ACSL6: variants seen among roughly 807,000 people sequenced by gnomAD.
ACSL6 encodes long-chain-fatty-acid--CoA ligase 6.
ACSL6 carries 47 observed loss-of-function variants against 98.2 expected under a neutral mutation model. The ratio of observed to expected loss-of-function variants is 0.48; its 90% CI spans 0.38 to 0.61. The LOEUF (loss-of-function observed/expected upper bound fraction) is 0.61, where lower values mean the gene tolerates loss of function less well. Ranked by LOEUF, ACSL6 falls within the 20% of genes least tolerant of loss-of-function variation. The probability of loss-of-function intolerance (pLI) is 0.00; values close to 1 mark genes in which losing one functional copy is unlikely to be tolerated. For missense variants in ACSL6, 761 were observed against 913.4 expected (o/e 0.83, Z 2.15); for synonymous variants, 362 against 336.9 (o/e 1.07, Z -0.82).
intron 1 of ACSL6, among the ~76,000 whole-genome samples, chr5:131,995,877 G>GC (rs1455437243): frequency 3.9e-5 from 6 of 152,192 alleles, no homozygotes; most frequent in Non-Finnish European, 7.3e-5. Context: ...CCCTTGCACT[G>GC]CATCTGGCAT....
At position 131,972,722 on chromosome 5, in the gene ACSL6, A is replaced by G. The variant is rs1753377834; in HGVS notation, c.1338+2T>C. The G allele has an allele frequency of 6.2e-7, 1 of 1,614,008 alleles. No individual in the cohort carries two copies. Among genetic ancestry groups the G allele is most frequent in the African/African-American group, 1.3e-5 (1 of 74,926 alleles). On this transcript the variant is annotated splice_donor_variant, in intron 13 of 20. Coordinates refer to ENST00000651883, the MANE Select transcript of ACSL6 (RefSeq NM_001009185.3). LOFTEE classifies it high-confidence loss of function. ...TCTATAATCACTTGTTCATTTTCTTACCTGAATCTTATTAAAGAAGAGTTC... is the reference window on the plus strand; with the variant it reads ...TCTATAATCACTTGTTCATTTTCTTGCCTGAATCTTATTAAAGAAGAGTTC...
At chr5:131,977,894 A>G (rs1479837096) in intron 9 of ACSL6, among the ~76,000 whole-genome samples, 3 of 151,816 alleles carry the variant, frequency 2.0e-5, no homozygotes, top group Non-Finnish European at 2.9e-5. Flanking sequence ...GAGAGAGAGA[A>G]CTTTTTTTCA....
chr5:131,977,620 G>A (rs1234842538), intron 9 of ACSL6, among the ~76,000 whole-genome samples: 2 of 152,298 alleles, frequency 1.3e-5, no homozygotes, highest in Non-Finnish European at 2.9e-5. Context: ...AAGTATGAAA[G>A]ATGTTAAATT....
In ACSL6 at chr5:131,971,545, A is replaced by G. The variant is rs1360290457; in HGVS notation, c.1434+5T>C. On this transcript the variant is annotated splice_donor_5th_base_variant and intron_variant, in intron 14 of 20. Transcript: ENST00000651883. ...TTTCCAAGGGAGGACACACAATGAC[A>G]ATACCTGGCACCCTAGAGCTGCCCG... 7 of 1,598,040 alleles carry G rather than the reference A, an allele frequency of 4.4e-6. No homozygotes were observed. The highest frequency in any genetic ancestry group is 6.0e-6 in the Non-Finnish European group (7 of 1,171,506).
At chr5:132,000,944 T>C (rs551568578) in intron 1 of ACSL6, among the ~76,000 whole-genome samples, 11 of 152,196 alleles carry the variant, frequency 7.2e-5, no homozygotes, top group African/African-American at 2.6e-4. Flanking sequence ...CACCCTACCA[T>C]CTGGGTGAGC....
Position 131,988,839 on chromosome 5 carries a change from C to T in ACSL6, c.618G>A (p.Leu206=), listed in dbSNP as rs773343920. ...TGATGTAGCGGATAGCCCCAGGGCCCAGGGTGTCATAGAGCGGGACCACCA... is the reference window on the plus strand; with the variant it reads ...TGATGTAGCGGATAGCCCCAGGGCCTAGGGTGTCATAGAGCGGGACCACCA... The part of the protein sequence containing the change: ...SMVVVPLYDT[L]GPGAIRYIIN... Residue 206 remains leucine, a synonymous_variant, in exon 6 of 21, where the codon CTG becomes CTA. Coordinates refer to ENST00000651883, the MANE Select transcript of ACSL6 (RefSeq NM_001009185.3). 12 of 1,613,566 alleles carry T rather than the reference C, an allele frequency of 7.4e-6. No homozygotes were observed. The highest frequency in any genetic ancestry group is 9.3e-6 in the Non-Finnish European group (11 of 1,179,924).
chr5:131,990,477 T>C (rs1483471268), intron 3 of ACSL6, among the ~76,000 whole-genome samples: 1 of 152,168 alleles, frequency 6.6e-6, no homozygotes, highest in East Asian at 1.9e-4. Context: ...TGGGGACCAC[T>C]GGGAGGAGGT....
intron 18 of ACSL6, among the ~76,000 whole-genome samples, chr5:131,961,609 A>T (rs1752716193): frequency 6.6e-6 from 1 of 151,940 alleles, no homozygotes; most frequent in South Asian, 2.1e-4. Flanking sequence ...AGGCAAGGGA[A>T]TCACTTGAAC....
intron 9 of ACSL6, among the ~76,000 whole-genome samples, chr5:131,978,569 CA>C (rs1753744653): frequency 6.6e-6 from 1 of 152,122 alleles, no homozygotes; most frequent in South Asian, 2.1e-4. Flanking sequence ...GAAGGAGTCT[CA>C]GTGAAGTGTA....
intron 20 of ACSL6, among the ~76,000 whole-genome samples, chr5:131,955,781 G>T (rs1005599801): frequency 6.6e-6 from 1 of 152,186 alleles, no homozygotes; most frequent in Non-Finnish European, 1.5e-5. Context: ...TTAGCTTAAA[G>T]AAAACATTAA....
chr5:132,011,484 G>A lies in ACSL6; in HGVS notation c.49+21C>T, dbSNP rs759230609. 2 of 1,607,786 alleles carry A rather than the reference G, an allele frequency of 1.2e-6. No individual in the cohort carries two copies. The highest frequency in any genetic ancestry group is 2.2e-5 in the East Asian group (1 of 44,634). On this transcript the variant is annotated intron_variant, in intron 1 of 20. Transcript: ENST00000651883. The surrounding 1 kb of genome is among the most constrained non-coding windows in gnomAD (Gnocchi z 5.4). The stretch of plus-strand genomic sequence containing the variant: ...CCTGCGGGAGATGGGAGTCCGGGAC[G>A]CGGACAGGACGGGCACTTACCTACG...
chr5:132,003,045 A>G lies in ACSL6; in HGVS notation c.49+8460T>C, dbSNP rs959721650. On this transcript the variant is annotated intron_variant, in intron 1 of 20. Transcript: ENST00000651883. ...ATCCGGCATGGCTCCTTCACCTACC[A>G]TTCCAGAGTCACTGAATTTTTTTGT... Among the ~76,000 whole-genome samples, 9 of 152,330 alleles carry G rather than the reference A, an allele frequency of 5.9e-5. No homozygotes were observed. In the East Asian group the frequency reaches 1.5e-3, roughly 26 times the overall value.
intron 16 of ACSL6, 113 bp downstream of exon 16, chr5:131,967,827 T>A (rs1753099720): frequency 2.1e-6 from 2 of 937,230 alleles, no homozygotes; most frequent in Admixed American, 4.2e-5. Context: ...TAATCAGTAG[T>A]TTAAAATGAC....
In ACSL6 at chr5:131,989,435, A is replaced by G. The variant is rs751509906; in HGVS notation, c.524T>C (p.Ile175Thr). The G allele has an allele frequency of 1.2e-6, 2 of 1,613,962 alleles. No individual in the cohort carries two copies. The highest frequency in any genetic ancestry group is 8.5e-7 in the Non-Finnish European group (1 of 1,179,990). Residue 175 changes from isoleucine (I) to threonine (T), a missense_variant, in exon 5 of 21, where the codon ATT becomes ACT. Ile to Thr is a moderately conservative substitution (Grantham distance 89). Coordinates refer to ENST00000651883, the MANE Select transcript of ACSL6 (RefSeq NM_001009185.3). The part of the protein sequence containing the change: ...HNCKACTDQF[I>T]GVFAQNRPEW... Reference sequence around the variant, plus strand: ...TGGCCGATTTTGTGCAAAAACACCAATAAACTGATCAGTGCATGCTTTACA... The same window carrying G: ...TGGCCGATTTTGTGCAAAAACACCAGTAAACTGATCAGTGCATGCTTTACA...
chr5:131,989,149 G>A (rs1178631265), intron 5 of ACSL6, among the ~76,000 whole-genome samples: 1 of 152,136 alleles, frequency 6.6e-6, no homozygotes, highest in Non-Finnish European at 1.5e-5. Context: ...GCATGAGCCT[G>A]TTCCTCAGGT....
intron 19 of ACSL6, chr5:131,959,857 C>A: frequency 9.7e-6 from 5 of 517,482 alleles, no homozygotes; most frequent in South Asian, 9.3e-5. Context: ...TTTTTTAAAG[C>A]AGGCTTTTGG....
chr5:131,988,610 G>C, intron 6 of ACSL6, 195 bp downstream of exon 6: 1 of 1,613,030 alleles, frequency 6.2e-7, no homozygotes, highest in Non-Finnish European at 8.5e-7. Context: ...CCTGTGGAAG[G>C]AACCTTCGTG....
Position 131,966,925 on chromosome 5 carries a change from A to G in ACSL6, c.1597-393T>C, listed in dbSNP as rs1753044604. ...CAGGCAATCATTCCCACTTACTCCC[A>G]TGGAATGAACAAGTACAGGCCAGCT... On this transcript the variant is annotated intron_variant, in intron 16 of 20. Coordinates refer to ENST00000651883, the MANE Select transcript of ACSL6 (RefSeq NM_001009185.3). 2.0e-5 allele frequency among the ~76,000 whole-genome samples: 3 copies of G among 152,178 alleles called. No homozygotes were observed. In the South Asian group the frequency reaches 6.2e-4, roughly 32 times the overall value.
intron 17 of ACSL6, among the ~76,000 whole-genome samples, chr5:131,964,151 A>G (rs1322584478): frequency 6.6e-6 from 1 of 152,226 alleles, no homozygotes; most frequent in African/African-American, 2.4e-5. Flanking sequence ...TGGGGAAAAA[A>G]CCCACTTACC....
Sources: allele counts gnomAD v4.1 joint callset (sites outside exome capture counted in the v4.1 genomes callset), GRCh38; gene constraint gnomAD v4.1.1; non-coding constraint Gnocchi (gnomAD v3.1); transcripts MANE v1.5; gene names NCBI Gene and HGNC (gene_info 2026-07-23, HGNC 2026-07-21).